Variants in NRXN1 observed in about 807,000 individuals in gnomAD.
The protein encoded by NRXN1 is neurexin 1.
A neutral mutation model predicts 150.9 loss-of-function variants in NRXN1; 39 were observed. The observed-to-expected ratio is 0.26, with a 90% confidence interval of 0.20 to 0.34. The LOEUF (loss-of-function observed/expected upper bound fraction) is 0.34, where lower values mean the gene tolerates loss of function less well. Ranked by LOEUF, NRXN1 falls within the 10% of genes least tolerant of loss-of-function variation. The probability of loss-of-function intolerance (pLI) is 1.00; values close to 1 mark genes in which losing one functional copy is unlikely to be tolerated. For missense variants in NRXN1, 1,815 were observed against 1,949.9 expected, an observed-to-expected ratio of 0.93 and a Z score of 1.30; for synonymous variants, 924 against 757.0, an observed-to-expected ratio of 1.22 and a Z score of -3.62.
intron 5 of NRXN1, among the ~76,000 whole-genome samples, chr2:50,825,752 C>T (rs567382286): frequency 2.0e-5 from 3 of 152,334 alleles, no homozygotes; most frequent in African/African-American, 4.8e-5. Context: ...TCAGTCAAAA[C>T]CTGTGCTTGC....
intron 2 of NRXN1, among the ~76,000 whole-genome samples, chr2:50,969,227 T>C (rs1694615030): frequency 6.6e-6 from 1 of 152,164 alleles, no homozygotes; most frequent in Non-Finnish European, 1.5e-5. Context: ...TAATCATTAA[T>C]TAATATATTA....
intron 5 of NRXN1, among the ~76,000 whole-genome samples, chr2:50,664,509 A>C (rs1462829034): frequency 6.6e-6 from 1 of 151,442 alleles, no homozygotes; most frequent in African/African-American, 2.4e-5. Flanking sequence ...ATTTAAAAAA[A>C]AAATTCTTCT....
At chr2:50,979,694 A>G (rs1364441441) in intron 2 of NRXN1, among the ~76,000 whole-genome samples, 3 of 152,064 alleles carry the variant, frequency 2.0e-5, no homozygotes, top group African/African-American at 7.2e-5. Context: ...GTAAAACCCC[A>G]TGGATTCTCA....
At chr2:50,853,568 T>C (rs1205532543) in intron 5 of NRXN1, among the ~76,000 whole-genome samples, 1 of 152,108 alleles carries the variant, frequency 6.6e-6, no homozygotes, top group African/African-American at 2.4e-5. Flanking sequence ...ATGCAAGGAA[T>C]AGGACCATAT....
chr2:50,933,661 G>C (rs1280704438), intron 2 of NRXN1, among the ~76,000 whole-genome samples: 1 of 152,122 alleles, frequency 6.6e-6, no homozygotes. Context: ...ATGTGGAAGA[G>C]AGAGCCATGA....
At chr2:50,496,143 T>C in intron 14 of NRXN1, 48 bp from the exon 15 acceptor site, 1 of 1,442,390 alleles carries the variant, frequency 6.9e-7, no homozygotes, top group Non-Finnish European at 9.5e-7. Context: ...TTTTAAATTT[T>C]GATGAACCTA....
At chr2:50,504,382 CTG>C (rs1290497548) in intron 13 of NRXN1, among the ~76,000 whole-genome samples, 2 of 152,042 alleles carry the variant, frequency 1.3e-5, no homozygotes, top group Admixed American at 6.6e-5. Flanking sequence ...TAAAGGGACA[CTG>C]TGTATGTAAC....
intron 17 of NRXN1, among the ~76,000 whole-genome samples, chr2:50,392,821 T>C (rs527244155): frequency 6.6e-6 from 1 of 152,100 alleles, no homozygotes; most frequent in Non-Finnish European, 1.5e-5. Flanking sequence ...CAAGGTAGTG[T>C]ATTAAAAGCA....
intron 5 of NRXN1, among the ~76,000 whole-genome samples, chr2:50,774,542 T>C (rs1360359075): frequency 1.3e-5 from 2 of 152,178 alleles, no homozygotes; most frequent in African/African-American, 4.8e-5. Flanking sequence ...AAAATAATGT[T>C]CATGCAAATT....
At chr2:50,545,311 A>G (rs1372586872) in intron 9 of NRXN1, among the ~76,000 whole-genome samples, 1 of 152,224 alleles carries the variant, frequency 6.6e-6, no homozygotes, top group South Asian at 2.1e-4. Context: ...ATCATACACA[A>G]TGGAAGGTTG....
At chr2:50,343,231 G>T (rs1052265660) in intron 17 of NRXN1, among the ~76,000 whole-genome samples, 10 of 152,078 alleles carry the variant, frequency 6.6e-5, no homozygotes, top group African/African-American at 1.9e-4. Flanking sequence ...GAGACTCTAA[G>T]CTAATTTTCT....
chr2:50,068,634 A>G (rs1414945163), intron 19 of NRXN1, among the ~76,000 whole-genome samples: 2 of 152,204 alleles, frequency 1.3e-5, no homozygotes, highest in Non-Finnish European at 2.9e-5. Context: ...ATATATGCCA[A>G]TCTCTTAGCA....
chr2:49,933,213 A>C (rs891376259), intron 22 of NRXN1, among the ~76,000 whole-genome samples: 1 of 151,968 alleles, frequency 6.6e-6, no homozygotes, highest in Non-Finnish European at 1.5e-5. Flanking sequence ...CAGCCTCCCA[A>C]GTAGCTGGGA....
At chr2:50,182,838 G>T (rs2152813067) in intron 18 of NRXN1, among the ~76,000 whole-genome samples, 1 of 152,122 alleles carries the variant, frequency 6.6e-6, no homozygotes, top group South Asian at 2.1e-4. Flanking sequence ...GTCGATCCCA[G>T]GAATGCTCTT....
chr2:49,991,372 T>C (rs1681924125), intron 21 of NRXN1, among the ~76,000 whole-genome samples: 1 of 152,140 alleles, frequency 6.6e-6, no homozygotes, highest in Non-Finnish European at 1.5e-5. Context: ...TAAATGATTA[T>C]TGCAAGGTCA....
In NRXN1 at chr2:50,347,052, G is replaced by A. The variant is rs1424067341; in HGVS notation, c.3365-110082C>T. On this transcript the variant is annotated intron_variant, in intron 17 of 22. Coordinates refer to ENST00000401669, the MANE Select transcript of NRXN1 (RefSeq NM_001330078.2). This position sits in a 1 kb window ranked among gnomAD's most constrained non-coding sequence, Gnocchi z 4.9. ...CGGGCGGCGCGGAGTGGGCTGAGGG[G>A]CCGGCCGCCTCACCGCGCCAGGGCA... 2.9e-6 allele frequency: 4 copies of A among 1,379,032 alleles called. No homozygotes were observed. The highest frequency in any genetic ancestry group is 3.8e-6 in the Non-Finnish European group (4 of 1,051,700). The allele number at this position is 1,379,032 out of a possible 1,614,324, so 85.4% of individuals were successfully genotyped here. A position where few individuals can be genotyped will look rare whatever the true frequency, so the allele number is the denominator to read the frequency against.
intron 18 of NRXN1, among the ~76,000 whole-genome samples, chr2:50,166,929 A>G (rs895764611): frequency 6.6e-6 from 1 of 152,086 alleles, no homozygotes; most frequent in African/African-American, 2.4e-5. Context: ...GTTTAGCAAA[A>G]CCTGTAGTCA....
chr2:50,349,258 C>A (rs755638642), intron 17 of NRXN1, among the ~76,000 whole-genome samples: 13 of 152,206 alleles, frequency 8.5e-5, no homozygotes, highest in Admixed American at 7.2e-4. Context: ...TGTCTCCCAA[C>A]CTTCCACAGC....
At chr2:50,000,424 A>T (rs1016074403) in intron 21 of NRXN1, among the ~76,000 whole-genome samples, 6 of 152,208 alleles carry the variant, frequency 3.9e-5, no homozygotes, top group Non-Finnish European at 7.3e-5. Context: ...TTGAGTTAAT[A>T]TTATGTGATA....
Sources: gnomAD v4.1 joint callset for allele counts (sites outside exome capture counted in the v4.1 genomes callset) on GRCh38, gnomAD v4.1.1 for gene constraint, Gnocchi (gnomAD v3.1) non-coding constraint, MANE v1.5 for transcripts, NCBI Gene and HGNC (gene_info 2026-07-23, HGNC 2026-07-21) for gene names.